Variants in PYM1 observed in about 807,000 individuals in gnomAD.
PYM1 encodes the protein partner of Y14 and mago.
Under a neutral mutation model 20.7 loss-of-function variants are expected in PYM1, and 7 were observed. The ratio of observed to expected loss-of-function variants is 0.34; its 90% CI spans 0.19 to 0.64. The LOEUF (loss-of-function observed/expected upper bound fraction) is 0.64. Ranked by LOEUF, PYM1 falls within the 30% of genes least tolerant of loss-of-function variation. The pLI, the probability that PYM1 is intolerant of heterozygous loss-of-function variation, is 0.74. For synonymous variants in PYM1, 100 were observed against 99.2 expected (o/e 1.01, Z -0.05); for missense variants, 194 against 250.0 (o/e 0.78, Z 1.51).
At chr12:55,905,902 CTAATAGATATATA>C (rs1882798757) in intron 1 of PYM1, among the ~76,000 whole-genome samples, 1 of 107,410 alleles carries the variant, frequency 9.3e-6, no homozygotes. Context: ...TTATATATAT[CTAATAGATATATA>C]TATTATTATA....
At chr12:55,905,152 C>T (rs1314593822) in intron 1 of PYM1, among the ~76,000 whole-genome samples, 1 of 150,664 alleles carries the variant, frequency 6.6e-6, no homozygotes, top group Non-Finnish European at 1.5e-5. Flanking sequence ...CAGGCGCCTG[C>T]CACCACACCT....
At chr12:55,916,637 A>C (rs1565717325) in intron 1 of PYM1, among the ~76,000 whole-genome samples, 1 of 151,776 alleles carries the variant, frequency 6.6e-6, no homozygotes, top group Admixed American at 6.6e-5. Context: ...CGTCTCTACT[A>C]AAAATACAAA....
rs1026599299 is a variant in PYM1, at chr12:55,911,122, T to A, written c.38-7642A>T. Among the ~76,000 whole-genome samples the A allele has an allele frequency of 6.6e-5, 10 of 152,242 alleles. No individual in the cohort carries two copies. In the South Asian group the frequency reaches 1.0e-3, roughly 16 times the overall value. ...CAGAATTTTATTTATTTATTTATTT[T>A]TTTGAGATGGAGCTTTGCTCTTGTA... On this transcript the variant is annotated intron_variant, in intron 1 of 2. Coordinates refer to ENST00000408946, the MANE Select transcript of PYM1 (RefSeq NM_032345.3).
At chr12:55,914,077 G>A (rs747915028) in intron 1 of PYM1, 85 of 417,824 alleles carry the variant, frequency 2.0e-4, no homozygotes, top group Non-Finnish European at 3.2e-4. Context: ...TTCAATTCAG[G>A]CAAGTGTTTT....
intron 1 of PYM1, among the ~76,000 whole-genome samples, chr12:55,915,774 A>G (rs543834941): frequency 8.5e-5 from 13 of 152,264 alleles, no homozygotes; most frequent in African/African-American, 2.9e-4. Context: ...ATTTGACACT[A>G]AAGACTAGAA....
intron 1 of PYM1, among the ~76,000 whole-genome samples, chr12:55,916,307 C>A (rs1176348184): frequency 2.0e-5 from 3 of 151,774 alleles, no homozygotes; most frequent in Non-Finnish European, 4.4e-5. Context: ...TGCACTCTAG[C>A]CTGGGTGACA....
chr12:55,904,527 C>T (rs1043207444), intron 1 of PYM1, among the ~76,000 whole-genome samples: 18 of 134,278 alleles, frequency 1.3e-4, no homozygotes, highest in African/African-American at 1.9e-4. Flanking sequence ...ACCCAGGAGG[C>T]GGACATTGCA....
At chr12:55,903,900 A>T (rs1417031504) in intron 1 of PYM1, among the ~76,000 whole-genome samples, 1 of 152,200 alleles carries the variant, frequency 6.6e-6, no homozygotes, top group African/African-American at 2.4e-5. Context: ...GTCAACTTTT[A>T]GGAATTCATA....
At position 55,901,612 on chromosome 12, in the gene PYM1, TCAG is replaced by T; in HGVS notation, c.*257_*259del. On this transcript the variant is annotated 3_prime_UTR_variant, in exon 3 of 3. Transcript: ENST00000408946. The stretch of plus-strand genomic sequence containing the variant: ...TTTTCTTTTAAACAAGACACCCAAA[TCAG>T]CAGCAAAGGTACCTGGGGTAGTCAC... 1 of 429,838 alleles carries T rather than the reference TCAG, an allele frequency of 2.3e-6. No homozygotes were observed. Among genetic ancestry groups the T allele is most frequent in the South Asian group, 4.5e-5 (1 of 22,278 alleles). The allele number at this position is 429,838 out of a possible 1,614,324, so 26.6% of individuals were successfully genotyped here. A position where few individuals can be genotyped will look rare whatever the true frequency, so the allele number is the denominator to read the frequency against.
Position 55,901,580 on chromosome 12 carries a change from CACCT to C in PYM1, c.*288_*291del, listed in dbSNP as rs1882688109. ...CTCAGTTCTCCAAGAGATTCCCACC[CACCT>C]GATTTTCTTTTAAACAAGACACCCA... is the stretch of plus-strand genomic sequence containing the variant. On this transcript the variant is annotated 3_prime_UTR_variant, in exon 3 of 3. Transcript: ENST00000408946. The C allele has an allele frequency of 5.9e-6, 2 of 337,402 alleles. No homozygotes were observed. Among genetic ancestry groups the C allele is most frequent in the Admixed American group, 8.8e-5 (2 of 22,668 alleles). The allele number at this position is 337,402 out of a possible 1,614,324, so 20.9% of individuals were successfully genotyped here.
chr12:55,906,599 C>T (rs1882820785), intron 1 of PYM1, among the ~76,000 whole-genome samples: 1 of 152,056 alleles, frequency 6.6e-6, no homozygotes, highest in Admixed American at 6.6e-5. Flanking sequence ...GGTCCTGAAC[C>T]ACACTTTGAG....
chr12:55,926,536 G>C (rs1392496005), intron 1 of PYM1, among the ~76,000 whole-genome samples: 1 of 152,190 alleles, frequency 6.6e-6, no homozygotes, highest in African/African-American at 2.4e-5. Context: ...GCTGAAAGTT[G>C]TATTAGGGTC....
At chr12:55,909,255 A>G (rs1248784048) in intron 1 of PYM1, among the ~76,000 whole-genome samples, 1 of 152,204 alleles carries the variant, frequency 6.6e-6, no homozygotes, top group East Asian at 1.9e-4. Context: ...TTGAAGGAAG[A>G]GTCAAACTAA....
In PYM1 at chr12:55,914,706, C is replaced by T. The variant is rs145427944; in HGVS notation, c.38-11226G>A. Among the ~76,000 whole-genome samples the T allele has an allele frequency of 2.3e-3, 351 of 152,162 alleles. 3 individuals carry two copies. Among genetic ancestry groups the T allele is most frequent in the Non-Finnish European group, 1.1e-3 (74 of 68,008 alleles). ...GATCTAAGTCACAGGTCTCAGCCTG[C>T]GGATGATCTCAGGGCCAAAATAAGA... On this transcript the variant is annotated intron_variant, in intron 1 of 2. Transcript: ENST00000408946.
intron 1 of PYM1, among the ~76,000 whole-genome samples, chr12:55,903,936 C>T (rs143706326): frequency 1.2e-4 from 18 of 152,092 alleles, no homozygotes; most frequent in African/African-American, 4.1e-4. Flanking sequence ...CACCAGTACA[C>T]GAGGATGTAT....
At chr12:55,909,085 C>T (rs1341313598) in intron 1 of PYM1, among the ~76,000 whole-genome samples, 7 of 151,906 alleles carry the variant, frequency 4.6e-5, no homozygotes, top group Admixed American at 3.9e-4. Flanking sequence ...ATGGGGTAAT[C>T]GCAGAAAGCC....
chr12:55,912,109 G>C (rs1882933944), intron 1 of PYM1, among the ~76,000 whole-genome samples: 1 of 151,888 alleles, frequency 6.6e-6, no homozygotes, highest in Non-Finnish European at 1.5e-5. Context: ...AACACTTTGG[G>C]AAGCCGAGGC....
chr12:55,917,143 G>A (rs755931863), intron 1 of PYM1, among the ~76,000 whole-genome samples: 3 of 151,770 alleles, frequency 2.0e-5, no homozygotes, highest in Non-Finnish European at 4.4e-5. Flanking sequence ...TCAGCTGGGC[G>A]CAGTGGCTCA....
intron 1 of PYM1, among the ~76,000 whole-genome samples, chr12:55,906,625 G>A (rs896651090): frequency 9.9e-5 from 15 of 152,044 alleles, no homozygotes; most frequent in Admixed American, 6.6e-4. Context: ...CTGATATAGA[G>A]TATGGTACTA....
Sources: gnomAD v4.1 joint callset for allele counts (sites outside exome capture counted in the v4.1 genomes callset) on GRCh38, gnomAD v4.1.1 for gene constraint, MANE v1.5 for transcripts, NCBI Gene and HGNC (gene_info 2026-07-23, HGNC 2026-07-21) for gene names.